Variants in SMURF1 observed in about 807,000 individuals in gnomAD.
SMURF1 encodes the protein E3 ubiquitin-protein ligase SMURF1.
In SMURF1, 44 loss-of-function variants were observed where a neutral mutation model predicts 98.0. That is an observed-to-expected ratio of 0.45 (90% confidence interval 0.35 to 0.58). SMURF1 has a LOEUF of 0.58. Among genes scored for constraint, SMURF1 ranks in the 20% least tolerant of loss-of-function variants. The pLI, the probability that SMURF1 is intolerant of heterozygous loss-of-function variation, is 0.00. For missense variants in SMURF1, 687 were observed against 938.4 expected, an observed-to-expected ratio of 0.73 and a Z score of 3.50; for synonymous variants, 396 against 374.9, an observed-to-expected ratio of 1.06 and a Z score of -0.65.
rs552065083 is a variant in SMURF1 at position 99,126,738 on chromosome 7, T to G, written c.55+16988A>C. The stretch of plus-strand genomic sequence containing the variant: ...TGCGTGGCAACACATTGGGATAAGA[T>G]GCATTGATCTGATATTTGTATATTT... On this transcript the variant is annotated intron_variant, in intron 1 of 17. Transcript: ENST00000361368. Among the ~76,000 whole-genome samples the G allele has an allele frequency of 3.9e-5, 6 of 152,374 alleles. No homozygotes were observed. In the South Asian group the frequency reaches 1.2e-3, roughly 32 times the overall value.
chr7:99,033,030 T>C lies in SMURF1; in HGVS notation c.2096+7A>G, dbSNP rs188285028. 1,093 of 1,598,666 alleles carry C rather than the reference T, an allele frequency of 6.8e-4. 17 individuals carry two copies. In the Middle Eastern group the frequency reaches 0.031, roughly 45 times the overall value. ...GGACGCCGTGACTTCCTGGCCGCGG[T>C]GCTTACCAGGTATGGGCCTTCGGAA... On this transcript the variant is annotated splice_region_variant and intron_variant, in intron 17 of 17. Transcript: ENST00000361368.
At chr7:99,049,285 G>A (rs1007558511) in intron 9 of SMURF1, 15 of 382,586 alleles carry the variant, frequency 3.9e-5, no homozygotes, top group Admixed American at 1.7e-4. Context: ...CGCTGCGTGC[G>A]GAAACTTCCT....
chr7:99,089,813 T>A (rs1276950647), intron 1 of SMURF1, among the ~76,000 whole-genome samples: 1 of 152,244 alleles, frequency 6.6e-6, no homozygotes, highest in Non-Finnish European at 1.5e-5. Context: ...ACATTTTCAA[T>A]CTGTTACTTA....
chr7:99,099,132 G>A (rs1038126112), intron 1 of SMURF1, among the ~76,000 whole-genome samples: 1 of 152,066 alleles, frequency 6.6e-6, no homozygotes, highest in East Asian at 1.9e-4. Context: ...ACTAGAGCCC[G>A]ATGAGAAAAG....
In SMURF1 at chr7:99,052,327, G is replaced by C; in HGVS notation, c.599C>G (p.Ser200Cys). 2 of 1,612,852 alleles carry C rather than the reference G, an allele frequency of 1.2e-6. No homozygotes were observed. The highest frequency in any genetic ancestry group is 1.7e-6 in the Non-Finnish European group (2 of 1,179,504). Reference protein sequence around the residue: ...AGGGNCRFVESPSQDQRLQAQ... With the variant: ...AGGGNCRFVECPSQDQRLQAQ... ...CTGAAGTCTTTGATCTTGACTTGGGGACTCCACGAACCTGCAATTCCCTCC... is the reference window on the plus strand; with the variant it reads ...CTGAAGTCTTTGATCTTGACTTGGGCACTCCACGAACCTGCAATTCCCTCC... Residue 200 changes from serine (S) to cysteine (C), a missense_variant, in exon 7 of 18, where the codon TCC becomes TGC. Ser to Cys is a moderately radical substitution (Grantham distance 112). Coordinates refer to ENST00000361368, the MANE Select transcript of SMURF1 (RefSeq NM_181349.3).
At chr7:99,043,770 C>T (rs1795473462) in intron 11 of SMURF1, among the ~76,000 whole-genome samples, 1 of 152,178 alleles carries the variant, frequency 6.6e-6, no homozygotes, top group South Asian at 2.1e-4. Flanking sequence ...TGTAGTTTGA[C>T]TCTCTTGGAA....
chr7:99,065,674 T>G (rs773012086), intron 1 of SMURF1, among the ~76,000 whole-genome samples: 9 of 152,150 alleles, frequency 5.9e-5, no homozygotes, highest in Non-Finnish European at 8.8e-5. Flanking sequence ...TGTCCAAAAC[T>G]GAAGTTCTTC....
At chr7:99,094,059 G>A (rs1490420923) in intron 1 of SMURF1, among the ~76,000 whole-genome samples, 2 of 152,142 alleles carry the variant, frequency 1.3e-5, no homozygotes, top group African/African-American at 4.8e-5. Context: ...TGATGTGTGT[G>A]TAACTATATA....
intron 10 of SMURF1, among the ~76,000 whole-genome samples, chr7:99,047,346 G>A (rs905931173): frequency 2.6e-5 from 4 of 152,146 alleles, no homozygotes; most frequent in African/African-American, 4.8e-5. Context: ...TAGACAAGGC[G>A]GTTCCCACTA....
chr7:99,110,846 T>A (rs1203451603), intron 1 of SMURF1, among the ~76,000 whole-genome samples: 11 of 152,134 alleles, frequency 7.2e-5, no homozygotes, highest in Admixed American at 7.2e-4. Flanking sequence ...ACTGACTGAG[T>A]AAATTCTGGT....
At chr7:99,131,611 G>A (rs1045460545) in intron 1 of SMURF1, among the ~76,000 whole-genome samples, 9 of 152,180 alleles carry the variant, frequency 5.9e-5, no homozygotes, top group East Asian at 5.8e-4. Flanking sequence ...GGGCATGGTG[G>A]CTCATGCTGA....
intron 1 of SMURF1, among the ~76,000 whole-genome samples, chr7:99,115,397 T>C (rs1003217883): frequency 6.6e-6 from 1 of 152,004 alleles, no homozygotes; most frequent in African/African-American, 2.4e-5. Flanking sequence ...GTTTTGAGAC[T>C]AGCCTGACAA....
chr7:99,043,100 A>G (rs1795447820), intron 11 of SMURF1, among the ~76,000 whole-genome samples: 1 of 152,110 alleles, frequency 6.6e-6, no homozygotes, highest in African/African-American at 2.4e-5. Flanking sequence ...TTTTTGAAAA[A>G]GACAAAGACC....
chr7:99,063,126 A>T (rs1200085284), intron 1 of SMURF1, among the ~76,000 whole-genome samples: 1 of 149,302 alleles, frequency 6.7e-6, no homozygotes, highest in Non-Finnish European at 1.5e-5. Flanking sequence ...TTGTTCTGCC[A>T]AGTTTCACTT....
At chr7:99,136,669 G>A (rs1204519221) in intron 1 of SMURF1, among the ~76,000 whole-genome samples, 2 of 152,230 alleles carry the variant, frequency 1.3e-5, no homozygotes, top group Non-Finnish European at 2.9e-5. Context: ...AGATGATGCT[G>A]GCTAGGTGCA....
intron 6 of SMURF1, 111 bp downstream of exon 6, chr7:99,054,679 G>A (rs1238526970): frequency 1.3e-5 from 11 of 836,494 alleles, no homozygotes; most frequent in Non-Finnish European, 2.2e-5. Context: ...CATCCTTTAT[G>A]CATCTCAAGC....
At chr7:99,131,345 G>A (rs1379577087) in intron 1 of SMURF1, among the ~76,000 whole-genome samples, 6 of 151,972 alleles carry the variant, frequency 3.9e-5, no homozygotes, top group Non-Finnish European at 5.9e-5. Flanking sequence ...CTCCTCACCC[G>A]GCCTGAGAAT....
chr7:99,140,853 T>C (rs1584224987), intron 1 of SMURF1, among the ~76,000 whole-genome samples: 1 of 152,142 alleles, frequency 6.6e-6, no homozygotes. Context: ...AACAAAAGTA[T>C]TCAAATTTTG....
rs1244919595 is a variant in SMURF1 at position 99,029,220 on chromosome 7, G to C, written c.*1364C>G. The C allele has an allele frequency of 6.6e-6, 1 of 152,632 alleles. No homozygotes were observed. The highest frequency in any genetic ancestry group is 2.4e-5 in the African/African-American group (1 of 41,420). The allele number at this position is 152,632 out of a possible 1,614,324, so 9.5% of individuals were successfully genotyped here. A position where few individuals can be genotyped will look rare whatever the true frequency, so the allele number is the denominator to read the frequency against. ...AAATGTCTTGCTCATGAATTACCCT[G>C]TACTTGCCCCCACCCCAAACAAAAA... is the stretch of plus-strand genomic sequence containing the variant. On this transcript the variant is annotated 3_prime_UTR_variant, in exon 18 of 18. Transcript: ENST00000361368.
Sources: allele counts gnomAD v4.1 joint callset (sites outside exome capture counted in the v4.1 genomes callset), GRCh38; gene constraint gnomAD v4.1.1; transcripts MANE v1.5; gene names NCBI Gene and HGNC (gene_info 2026-07-23, HGNC 2026-07-21).